The following COL4A4 variants were observed in gnomAD, a reference collection of about 807,000 sequenced individuals.
COL4A4 encodes collagen type IV alpha 4 chain, also known as collagen alpha-4(IV) chain.
A neutral mutation model predicts 192.9 loss-of-function variants in COL4A4; 105 were observed. That is an observed-to-expected ratio of 0.54 (90% confidence interval 0.46 to 0.64). The LOEUF is 0.64. COL4A4 is among the 30% of genes least tolerant of loss of function. The pLI is 0.00. For synonymous variants in COL4A4, 762 were observed against 769.9 expected (o/e 0.99, Z 0.17); for missense variants, 1,967 against 2,169.3 (o/e 0.91, Z 1.85).
the COL4A4 span, chr2:226,995,626 T>C: frequency 1.3e-6 from 1 of 793,192 alleles, no homozygotes; most frequent in Non-Finnish European, 2.1e-6. Flanking sequence ...AAAAGCAGAG[T>C]ACACCGGTAT....
At chr2:227,118,791 T>G (rs2061621663) in intron 6 of COL4A4, 30 bp from the exon 7 acceptor site, 1 of 1,494,970 alleles carries the variant, frequency 6.7e-7, no homozygotes, top group Non-Finnish European at 9.3e-7. Context: ...AAGTGAAGCA[T>G]TTTTGCGAAA....
At chr2:227,002,290 A>G (rs1961190462), downstream of COL4A4, among the ~76,000 whole-genome samples, 1 of 152,166 alleles carries the variant, frequency 6.6e-6, no homozygotes, top group Non-Finnish European at 1.5e-5. Context: ...TCCTGACTTC[A>G]AGTCACAGTG....
In COL4A4 at chr2:227,057,447, C is replaced by T; in HGVS notation, c.2537G>A (p.Gly846Asp). 6.2e-7 allele frequency: 1 copy of T among 1,605,816 alleles called. No individual in the cohort carries two copies. Residue 846 changes from glycine (G) to aspartate (D), a missense_variant, in exon 29 of 48, where the codon GGT becomes GAT. Gly to Asp is a moderately conservative substitution (Grantham distance 94). Transcript: ENST00000396625. ...CAGTTCTTGACACTTACCTGGGCTACCTGGATACCCAGGGAGTCCCGGTTG... is the reference window on the plus strand; with the variant it reads ...CAGTTCTTGACACTTACCTGGGCTATCTGGATACCCAGGGAGTCCCGGTTG... ...PGQPGLPGYPGSPGAPGGKGQ... is the reference protein window; with the variant it reads ...PGQPGLPGYPDSPGAPGGKGQ...
At chr2:227,105,804 G>A (rs564755749) in intron 12 of COL4A4, among the ~76,000 whole-genome samples, 21 of 152,070 alleles carry the variant, frequency 1.4e-4, no homozygotes, top group Admixed American at 1.2e-3. Context: ...CTGTCACTTG[G>A]GGCAAGTTCC....
At chr2:227,062,694 A>G in intron 25 of COL4A4, 96 bp from the exon 26 acceptor site, 2 of 856,856 alleles carry the variant, frequency 2.3e-6, no homozygotes, top group South Asian at 1.4e-5. Flanking sequence ...ATTTTTCTGT[A>G]TAGTATATGC....
intron 1 of COL4A4, among the ~76,000 whole-genome samples, chr2:227,163,217 T>G (rs2064994409): frequency 6.6e-6 from 1 of 152,228 alleles, no homozygotes; most frequent in Non-Finnish European, 1.5e-5. Context: ...CCTTCCCTTA[T>G]GAGCACAGGC....
chr2:227,053,389 T>C (rs1974552039), intron 31 of COL4A4, among the ~76,000 whole-genome samples: 1 of 152,128 alleles, frequency 6.6e-6, no homozygotes, highest in South Asian at 2.1e-4. Flanking sequence ...TCAAGCATTT[T>C]TTCTCAACAC....
chr2:227,091,011 G>A (rs1034013118), intron 20 of COL4A4, among the ~76,000 whole-genome samples: 11 of 151,348 alleles, frequency 7.3e-5, no homozygotes, highest in African/African-American at 2.7e-4. Context: ...TCCAAAACAG[G>A]ATGATTTGTC....
At chr2:227,140,271 G>A in intron 3 of COL4A4, 33 bp from the exon 4 acceptor site, 1 of 1,577,186 alleles carries the variant, frequency 6.3e-7, no homozygotes, top group Non-Finnish European at 8.7e-7. Flanking sequence ...TAGTATACCA[G>A]TACTCATCGT....
chr2:227,070,173 C>T (rs1296159012), intron 25 of COL4A4, among the ~76,000 whole-genome samples: 1 of 152,068 alleles, frequency 6.6e-6, no homozygotes, highest in East Asian at 1.9e-4. Flanking sequence ...AATGAGATAC[C>T]ATCTCACACC....
chr2:226,972,790 A>C, the COL4A4 span, among the ~76,000 whole-genome samples: 1 of 152,126 alleles, frequency 6.6e-6, no homozygotes, highest in Non-Finnish European at 1.5e-5. Context: ...GGTGCCTTTC[A>C]TGAAGTCTAT....
At chr2:227,120,184 A>G (rs909847914) in intron 5 of COL4A4, among the ~76,000 whole-genome samples, 3 of 152,182 alleles carry the variant, frequency 2.0e-5, no homozygotes, top group Admixed American at 6.6e-5. Context: ...GTGAACAGAA[A>G]TCTAACACTC....
intron 44 of COL4A4, among the ~76,000 whole-genome samples, chr2:227,020,067 G>A (rs1468685355): frequency 6.6e-6 from 1 of 152,184 alleles, no homozygotes; most frequent in Non-Finnish European, 1.5e-5. Flanking sequence ...AGACCCTGGA[G>A]GGGGAAAACA....
chr2:226,991,680 A>C, the COL4A4 span, among the ~76,000 whole-genome samples: 1 of 152,224 alleles, frequency 6.6e-6, no homozygotes, highest in Admixed American at 6.5e-5. Flanking sequence ...GGAGCTACTC[A>C]GTATTCCCAT....
intron 47 of COL4A4, 65 bp from the exon 48 acceptor site, chr2:227,007,653 G>A (rs1962456371): frequency 1.9e-6 from 3 of 1,602,126 alleles, no homozygotes; most frequent in South Asian, 1.1e-5. Context: ...CCCAATCAGG[G>A]ACACACCCAG....
chr2:227,092,882 A>C (rs2060014274), intron 20 of COL4A4, among the ~76,000 whole-genome samples: 1 of 152,224 alleles, frequency 6.6e-6, no homozygotes, highest in South Asian at 2.1e-4. Flanking sequence ...AAGTCAAAAG[A>C]TAATGCTGAA....
In COL4A4 at chr2:227,027,942, T is replaced by C. The variant is rs16823077; in HGVS notation, c.4041A>G (p.Leu1347=). The C allele has an allele frequency of 4.2e-3, 6,773 of 1,613,872 alleles. 270 individuals carry two copies. In the African/African-American group the frequency reaches 0.079, roughly 19 times the overall value. ...GFPGPPGEKG[L]PGPPGRKGPT... ...GCCCTTTTCTCCCTGGAGGTCCAGG[T>C]AAACCCTTCTCTCCAGGTGGCCCAG... The change falls in exon 42 of 48, where the codon TTA becomes TTG. Residue 1347 remains leucine, a synonymous_variant. Transcript: ENST00000396625.
chr2:227,041,860 A>AAGAGAGAGAGAGAGAG (rs1384697280), intron 37 of COL4A4, among the ~76,000 whole-genome samples: 3 of 92,336 alleles, frequency 3.2e-5, no homozygotes, highest in South Asian at 7.7e-4. Context: ...GAAAGAAAGA[A>AAGAGAGAGAGAGAGAG]AGAAAGAAAG....
chr2:227,049,049 A>T (rs1357348700), intron 34 of COL4A4, among the ~76,000 whole-genome samples: 1 of 152,230 alleles, frequency 6.6e-6, no homozygotes, highest in Non-Finnish European at 1.5e-5. Flanking sequence ...ACTTATATCA[A>T]AATAAAGGAT....
Sources: allele counts gnomAD v4.1 joint callset (sites outside exome capture counted in the v4.1 genomes callset), GRCh38; gene constraint gnomAD v4.1.1; transcripts MANE v1.5; gene names NCBI Gene and HGNC (gene_info 2026-07-23, HGNC 2026-07-21).